EPHA6: variants seen among roughly 807,000 people sequenced by gnomAD.
The protein encoded by EPHA6 is ephrin type-A receptor 6.
EPHA6 carries 50 observed loss-of-function variants against 112.0 expected under a neutral mutation model. The ratio of observed to expected loss-of-function variants is 0.45; its 90% CI spans 0.36 to 0.56. The LOEUF (loss-of-function observed/expected upper bound fraction) is 0.56. EPHA6 is among the 20% of genes least tolerant of loss of function. The pLI is 0.00. For missense variants in EPHA6, 1,280 were observed against 1,417.4 expected, an observed-to-expected ratio of 0.90 and a Z score of 1.56; for synonymous variants, 529 against 490.7, an observed-to-expected ratio of 1.08 and a Z score of -1.03.
chr3:97,088,746 C>T (rs957508500), intron 3 of EPHA6, among the ~76,000 whole-genome samples: 1 of 152,068 alleles, frequency 6.6e-6, no homozygotes, highest in Admixed American at 6.6e-5. Context: ...GTACTTTGAT[C>T]GTCAGCCTCT....
chr3:97,213,740 C>T (rs556889916), intron 3 of EPHA6, among the ~76,000 whole-genome samples: 1 of 152,272 alleles, frequency 6.6e-6, no homozygotes, highest in African/African-American at 2.4e-5. Flanking sequence ...TTTGTGTATT[C>T]TTCCTAGATT....
chr3:97,009,957 C>T (rs1224322357), intron 3 of EPHA6: 3 of 569,802 alleles, frequency 5.3e-6, no homozygotes, highest in Middle Eastern at 5.9e-4. Flanking sequence ...ACCTTGGTTG[C>T]CGTTGAAGGA....
At position 97,751,019 on chromosome 3, in the gene EPHA6, C is replaced by T. The variant is rs528121394; in HGVS notation, c.*2318C>T. On this transcript the variant is annotated 3_prime_UTR_variant, in exon 18 of 18. Transcript: ENST00000389672. ...AGAAATATAAAATTTCCATATTTAC[C>T]TATCTTCAAATATATATTAAATAAG... Among the ~76,000 whole-genome samples, 17 of 151,976 alleles carry T rather than the reference C, an allele frequency of 1.1e-4. No homozygotes were observed. The South Asian group carries it at 1.5e-3, about 13-fold the overall frequency.
intron 3 of EPHA6, among the ~76,000 whole-genome samples, chr3:97,077,614 T>C (rs4857237): frequency 1.3e-5 from 2 of 148,296 alleles, no homozygotes; most frequent in African/African-American, 4.9e-5. Context: ...TCATTGTTCA[T>C]TTCCCACCTA....
At chr3:97,235,035 T>C (rs1163929894) in intron 4 of EPHA6, among the ~76,000 whole-genome samples, 1 of 152,110 alleles carries the variant, frequency 6.6e-6, no homozygotes, top group Non-Finnish European at 1.5e-5. Flanking sequence ...TGCTCCTTCC[T>C]TAGGTTTTAT....
intron 10 of EPHA6, among the ~76,000 whole-genome samples, chr3:97,493,784 G>C (rs1427419360): frequency 1.3e-5 from 2 of 152,172 alleles, no homozygotes; most frequent in African/African-American, 4.8e-5. Context: ...GACTTACTGG[G>C]AGAGCTCTGT....
At chr3:97,287,331 G>T in intron 5 of EPHA6, among the ~76,000 whole-genome samples, 1 of 152,054 alleles carries the variant, frequency 6.6e-6, no homozygotes, top group East Asian at 1.9e-4. Flanking sequence ...TCAGTTAGCT[G>T]CAGGTTTGTC....
In EPHA6 at chr3:97,479,352, C is replaced by G. The variant is rs1202653790; in HGVS notation, c.2062C>G (p.Gln688Glu). ...KSEEKRRNHLQNGHLRFPGIK... is the reference protein window; with the variant it reads ...KSEEKRRNHLENGHLRFPGIK... ...AGAAGAGAAGAGAAGAAACCACTTA[C>G]AGAATGGGCATTGTAAGTAGCGCAG... The change falls in exon 9 of 18, where the codon CAG becomes GAG. Residue 688 changes from glutamine to glutamate, a missense_variant. Gln to Glu is a conservative substitution (Grantham distance 29, BLOSUM62 2). Transcript: ENST00000389672. 2.5e-6 allele frequency: 4 copies of G among 1,604,644 alleles called. No individual in the cohort carries two copies. The African/African-American group carries it at 5.4e-5, about 22-fold the overall frequency.
chr3:96,999,150 T>A (rs1008170244), intron 3 of EPHA6, among the ~76,000 whole-genome samples: 1 of 151,972 alleles, frequency 6.6e-6, no homozygotes, highest in Non-Finnish European at 1.5e-5. Context: ...GTCTATCATG[T>A]ACTTTGGAAT....
chr3:96,891,330 A>G (rs2037949029), intron 2 of EPHA6, among the ~76,000 whole-genome samples: 1 of 152,206 alleles, frequency 6.6e-6, no homozygotes, highest in East Asian at 1.9e-4. Flanking sequence ...AGAAACTGGA[A>G]ACCAAAGAGC....
chr3:97,673,548 C>T (rs998726534), intron 14 of EPHA6, among the ~76,000 whole-genome samples: 1 of 152,018 alleles, frequency 6.6e-6, no homozygotes, highest in African/African-American at 2.4e-5. Context: ...TGGAAGAGGC[C>T]CAAAAGGGTA....
At chr3:97,035,272 T>A (rs1041651466) in intron 3 of EPHA6, among the ~76,000 whole-genome samples, 1 of 151,944 alleles carries the variant, frequency 6.6e-6, no homozygotes, top group Non-Finnish European at 1.5e-5. Flanking sequence ...CCCTGTCTTC[T>A]TTTTTCTTAT....
rs573526347 is a variant in EPHA6 at position 97,685,787 on chromosome 3, A to G, written c.2785-34474A>G. Among the ~76,000 whole-genome samples, 347 of 152,332 alleles carry G rather than the reference A, an allele frequency of 2.3e-3. 4 individuals carry two copies. The highest frequency in any genetic ancestry group is 8.2e-3 in the African/African-American group (339 of 41,588). On this transcript the variant is annotated intron_variant, in intron 14 of 17. Coordinates refer to ENST00000389672, the MANE Select transcript of EPHA6 (RefSeq NM_001080448.3). ...GTAAACGGCGAACGATGATTACTAC[A>G]GGTACTTTTAACACATGGTAATATA...
At chr3:97,491,634 T>A (rs1305492824) in intron 10 of EPHA6, among the ~76,000 whole-genome samples, 1 of 125,004 alleles carries the variant, frequency 8.0e-6, no homozygotes, top group East Asian at 2.3e-4. Context: ...TTTTTTTTTT[T>A]AAGGTTTATG....
intron 3 of EPHA6, among the ~76,000 whole-genome samples, chr3:97,202,352 C>CT (rs879296495): frequency 0.024 from 3,408 of 143,624 alleles, 109 homozygotes; most frequent in African/African-American, 0.072. Context: ...ATATTAAAAT[C>CT]TTTTTTTTTT....
chr3:97,522,873 T>C (rs1577659490), intron 10 of EPHA6, among the ~76,000 whole-genome samples: 1 of 152,298 alleles, frequency 6.6e-6, no homozygotes, highest in East Asian at 1.9e-4. Flanking sequence ...TTCTGTGGTA[T>C]CTGTTGGAAT....
intron 1 of EPHA6, among the ~76,000 whole-genome samples, chr3:96,861,608 A>G (rs1356591323): frequency 6.6e-6 from 1 of 152,018 alleles, no homozygotes; most frequent in Non-Finnish European, 1.5e-5. Flanking sequence ...CACTATGTTC[A>G]TATTACCTTA....
At chr3:97,397,888 A>G (rs1232590851) in intron 5 of EPHA6, among the ~76,000 whole-genome samples, 1 of 151,576 alleles carries the variant, frequency 6.6e-6, no homozygotes, top group Non-Finnish European at 1.5e-5. Flanking sequence ...TGTACACTTC[A>G]TAACTATGTA....
intron 1 of EPHA6, among the ~76,000 whole-genome samples, chr3:96,832,546 A>G (rs544234716): frequency 2.0e-4 from 31 of 152,194 alleles, no homozygotes; most frequent in African/African-American, 7.5e-4. Flanking sequence ...TGCTAAATCC[A>G]CAATTTCAGT....
Sources: allele counts gnomAD v4.1 joint callset (sites outside exome capture counted in the v4.1 genomes callset), GRCh38; gene constraint gnomAD v4.1.1; transcripts MANE v1.5; gene names NCBI Gene and HGNC (gene_info 2026-07-23, HGNC 2026-07-21).